Variants in DDX6 observed in about 807,000 individuals in gnomAD.
The protein encoded by DDX6 is probable ATP-dependent RNA helicase DDX6.
In DDX6, 7 loss-of-function variants were observed where a neutral mutation model predicts 60.6. The observed-to-expected ratio is 0.12, with a 90% CI of 0.07 to 0.22. DDX6 has a LOEUF of 0.22. Among genes scored for constraint, DDX6 ranks in the 10% least tolerant of loss-of-function variants. The probability of loss-of-function intolerance (pLI) is 1.00; values close to 1 mark genes in which losing one functional copy is unlikely to be tolerated. For synonymous variants in DDX6, 207 were observed against 201.0 expected (o/e 1.03, Z -0.25); for missense variants, 270 against 589.9 (o/e 0.46, Z 5.62).
At chr11:118,757,641 A>T (rs908409166) in intron 9 of DDX6, among the ~76,000 whole-genome samples, 1 of 151,520 alleles carries the variant, frequency 6.6e-6, no homozygotes, top group African/African-American at 2.4e-5. Context: ...TCCAGGCTGG[A>T]GTGCAATGGT....
intron 13 of DDX6, among the ~76,000 whole-genome samples, chr11:118,753,424 C>A (rs1451231910): frequency 6.7e-6 from 1 of 149,602 alleles, no homozygotes; most frequent in Admixed American, 6.7e-5. Context: ...ACTGTAACCT[C>A]CACCTCCCAG....
In DDX6 at chr11:118,751,315, C is replaced by CGAT. The variant is rs1555157267; in HGVS notation, c.*787_*789dup. The CGAT allele has an allele frequency of 6.6e-6, 1 of 151,402 alleles. No homozygotes were observed. Among genetic ancestry groups the CGAT allele is most frequent in the Non-Finnish European group, 1.5e-5 (1 of 67,910 alleles). The allele number at this position is 151,402 out of a possible 1,614,324, so 9.4% of individuals were successfully genotyped here. On this transcript the variant is annotated 3_prime_UTR_variant, in exon 14 of 14. Coordinates refer to ENST00000534980, the MANE Select transcript of DDX6 (RefSeq NM_004397.6). Reference sequence around the variant, plus strand: ...GATAGACTGCTCTTTCCTTTGGGAGCGATGATGTTTTTTATCTACTCAGCC... The same window carrying CGAT: ...GATAGACTGCTCTTTCCTTTGGGAGCGATGATGATGTTTTTTATCTACTCAGCC...
chr11:118,754,707 G>A lies in DDX6; in HGVS notation c.*5C>T, dbSNP rs782698158. The A allele has an allele frequency of 8.7e-6, 14 of 1,602,288 alleles. No individual in the cohort carries two copies. In the Admixed American group the frequency reaches 2.1e-4, roughly 24 times the overall value. On this transcript the variant is annotated splice_region_variant and 3_prime_UTR_variant, in exon 13 of 14. Coordinates refer to ENST00000534980, the MANE Select transcript of DDX6 (RefSeq NM_004397.6). Reference sequence around the variant, plus strand: ...TAGCTGTTCTGTCAGGGACGTACATGCTTGTTAAGGTTTCTCATCTTCTAC... The same window carrying A: ...TAGCTGTTCTGTCAGGGACGTACATACTTGTTAAGGTTTCTCATCTTCTAC...
In DDX6 at chr11:118,757,193, T is replaced by C; in HGVS notation, c.1088A>G (p.Tyr363Cys). 6.3e-7 allele frequency: 1 copy of C among 1,579,154 alleles called. No homozygotes were observed. Among genetic ancestry groups the C allele is most frequent in the Non-Finnish European group, 8.6e-7 (1 of 1,165,036 alleles). ...CACCTGCCTCATTTTAGCATGAATA[T>C]AGAAGCAAGAATAACCCAGTTGAGA... ...KISQLGYSCF[Y>C]IHAKMRQEHR... Residue 363 changes from tyrosine to cysteine, a missense_variant, in exon 10 of 14, where the codon TAT (tyrosine) becomes TGT (cysteine). By Grantham distance (194) the Tyr-to-Cys change is radical. Around this residue, in one of 8 missense-constraint regions of DDX6, gnomAD observed 69 missense variants for 208.2 expected, o/e 0.33. Transcript: ENST00000534980.
At chr11:118,763,091 A>G in intron 7 of DDX6, 121 bp downstream of exon 7, 1 of 623,796 alleles carries the variant, frequency 1.6e-6, no homozygotes, top group Non-Finnish European at 2.7e-6. Context: ...ATTAATTTAA[A>G]CTGATTGTTT....
At chr11:118,763,469 T>C (rs1861241978) in intron 6 of DDX6, among the ~76,000 whole-genome samples, 163 bp from the exon 7 acceptor site, 1 of 147,406 alleles carries the variant, frequency 6.8e-6, no homozygotes, top group Non-Finnish European at 1.5e-5. Context: ...ATTATAATCT[T>C]ATGGGAACAC....
chr11:118,751,136 A>C lies in DDX6; in HGVS notation c.*969T>G, dbSNP rs1376503674. 6.6e-6 allele frequency: 1 copy of C among 151,136 alleles called. No homozygotes were observed. Among genetic ancestry groups the C allele is most frequent in the Non-Finnish European group, 1.5e-5 (1 of 67,836 alleles). 9.4% of individuals were successfully genotyped at this position (151,136 alleles called of 1,614,324 possible). On this transcript the variant is annotated 3_prime_UTR_variant, in exon 14 of 14. Transcript: ENST00000534980. ...CAAAGTTATACAAGTATACACACCCAATTTTCTATGGGACACGCTTTGCCA... is the reference window on the plus strand; with the variant it reads ...CAAAGTTATACAAGTATACACACCCCATTTTCTATGGGACACGCTTTGCCA...
intron 7 of DDX6, among the ~76,000 whole-genome samples, chr11:118,761,546 G>A (rs1048065753): frequency 6.6e-6 from 1 of 152,010 alleles, no homozygotes; most frequent in Non-Finnish European, 1.5e-5. Flanking sequence ...GAACTTGGGA[G>A]GTGGAGGTTG....
intron 4 of DDX6, among the ~76,000 whole-genome samples, chr11:118,777,897 GAA>G (rs374046858): frequency 5.0e-5 from 5 of 99,622 alleles, no homozygotes; most frequent in East Asian, 3.0e-4. Context: ...TCAAAAAAGA[GAA>G]AAAAAAAAAA....
chr11:118,789,045 G>A (rs1308530513), intron 1 of DDX6: 2 of 147,868 alleles, frequency 1.4e-5, no homozygotes, highest in Admixed American at 6.8e-5. Flanking sequence ...GCCCTACTCT[G>A]TTGGCTTTTG....
intron 5 of DDX6, 22 bp from the exon 6 acceptor site, chr11:118,765,377 T>C (rs782720042): frequency 1.2e-6 from 2 of 1,612,668 alleles, no homozygotes; most frequent in East Asian, 2.2e-5. Flanking sequence ...TCAAGGAATA[T>C]ATAAGAAAAT....
At chr11:118,778,234 T>C (rs1405599324) in intron 4 of DDX6, among the ~76,000 whole-genome samples, 1 of 152,058 alleles carries the variant, frequency 6.6e-6, no homozygotes, top group Non-Finnish European at 1.5e-5. Flanking sequence ...AATTTTGTTA[T>C]TTTTTTAAAA....
intron 5 of DDX6, 88 bp from the exon 6 acceptor site, chr11:118,765,443 T>C (rs915301568): frequency 1.9e-5 from 27 of 1,403,916 alleles, no homozygotes; most frequent in Non-Finnish European, 2.6e-5. Flanking sequence ...TTTAAGAAGC[T>C]ATAGAAATAC....
At chr11:118,766,695 G>A (rs1179002041) in intron 5 of DDX6, among the ~76,000 whole-genome samples, 1 of 152,008 alleles carries the variant, frequency 6.6e-6, no homozygotes, top group Non-Finnish European at 1.5e-5. Flanking sequence ...CCAGGTTCAA[G>A]CAATTCTCCT....
Position 118,786,214 on chromosome 11 carries a change from C to T in DDX6, c.38G>A (p.Gly13Asp). The change falls in exon 2 of 14, where the codon GGT becomes GAT. Residue 13 changes from glycine (G) to aspartate (D), a missense_variant. Gly to Asp is a moderately conservative substitution (Grantham distance 94, BLOSUM62 -1). Transcript: ENST00000534980. The stretch of plus-strand genomic sequence containing the variant: ...CAGCTGACCATTTTGACTGGACAGA[C>T]CCATTATAACAGGGTTCTCTGTTCT... ...TARTENPVIM[G>D]LSSQNGQLRG... The T allele has an allele frequency of 6.2e-7, 1 of 1,613,572 alleles. No homozygotes were observed. The highest frequency in any genetic ancestry group is 8.5e-7 in the Non-Finnish European group (1 of 1,179,718).
intron 4 of DDX6, among the ~76,000 whole-genome samples, chr11:118,768,795 G>A (rs1255079614): frequency 1.3e-5 from 2 of 151,946 alleles, no homozygotes; most frequent in Non-Finnish European, 2.9e-5. Context: ...GATCACTTGA[G>A]CCCAGGAGTT....
intron 1 of DDX6, chr11:118,789,763 T>C (rs1862202931): frequency 1.3e-5 from 2 of 152,206 alleles, no homozygotes; most frequent in Admixed American, 1.3e-4. Context: ...CTGTCCATCA[T>C]GCACAGTAAG....
chr11:118,791,207 C>G (rs1281705641), upstream of DDX6: 3 of 152,290 alleles, frequency 2.0e-5, no homozygotes, highest in African/African-American at 7.2e-5. Flanking sequence ...GCCGCCTCCT[C>G]CCTCTTTCCC....
chr11:118,770,967 A>G (rs1351533176), intron 4 of DDX6, among the ~76,000 whole-genome samples: 3 of 152,140 alleles, frequency 2.0e-5, no homozygotes, highest in African/African-American at 7.2e-5. Context: ...CTGCTTATTA[A>G]GGTAAAGCAA....
Sources: allele counts gnomAD v4.1 joint callset (sites outside exome capture counted in the v4.1 genomes callset), GRCh38; gene constraint gnomAD v4.1.1; regional missense constraint gnomAD v4.1.1; transcripts MANE v1.5; gene names NCBI Gene and HGNC (gene_info 2026-07-23, HGNC 2026-07-21).